DNAJC1: variants seen among roughly 807,000 people sequenced by gnomAD.
The protein encoded by DNAJC1 is dnaJ homolog subfamily C member 1.
A neutral mutation model predicts 76.6 loss-of-function variants in DNAJC1; 58 were observed. The ratio of observed to expected loss-of-function variants is 0.76; its 90% CI spans 0.61 to 0.94. The LOEUF is 0.94. DNAJC1 is among the 40% of genes least tolerant of loss of function. The probability of loss-of-function intolerance (pLI) is 0.00; values close to 1 mark genes in which losing one functional copy is unlikely to be tolerated. For synonymous variants in DNAJC1, 258 were observed against 267.9 expected (o/e 0.96, Z 0.36); for missense variants, 689 against 677.3 (o/e 1.02, Z -0.19).
intron 8 of DNAJC1, among the ~76,000 whole-genome samples, chr10:21,876,602 TAAAG>T (rs1215694717): frequency 1.3e-5 from 2 of 152,124 alleles, no homozygotes; most frequent in African/African-American, 4.8e-5. Flanking sequence ...ATGGCAATCT[TAAAG>T]AAGGAAAACA....
intron 8 of DNAJC1, among the ~76,000 whole-genome samples, chr10:21,848,582 A>C (rs761098000): frequency 2.6e-5 from 4 of 152,228 alleles, no homozygotes; most frequent in Non-Finnish European, 4.4e-5. Context: ...AACATCTAGA[A>C]AGAAGATAAA....
At chr10:21,990,268 T>G (rs1484731253) in intron 1 of DNAJC1, among the ~76,000 whole-genome samples, 2 of 152,176 alleles carry the variant, frequency 1.3e-5, no homozygotes, top group East Asian at 3.9e-4. Context: ...CCTAATACAG[T>G]GCCAAGACAA....
At chr10:21,837,913 G>A (rs1289302163) in intron 8 of DNAJC1, among the ~76,000 whole-genome samples, 4 of 145,072 alleles carry the variant, frequency 2.8e-5, no homozygotes, top group Non-Finnish European at 6.1e-5. Flanking sequence ...GTCCGGGAGG[G>A]AGGTGGCGGG....
intron 8 of DNAJC1, among the ~76,000 whole-genome samples, chr10:21,844,186 T>C (rs1351144630): frequency 6.6e-6 from 1 of 152,186 alleles, no homozygotes; most frequent in African/African-American, 2.4e-5. Context: ...ATTATGTCTT[T>C]ATTAGCAGCA....
In DNAJC1 at chr10:21,813,078, TACATATATACACACAC is replaced by T. The variant is rs1834997784; in HGVS notation, c.979-6995_979-6980del. On this transcript the variant is annotated intron_variant, in intron 8 of 11. Coordinates refer to ENST00000376980, the MANE Select transcript of DNAJC1 (RefSeq NM_022365.4). The stretch of plus-strand genomic sequence containing the variant: ...ATATATATACATATATACATATATA[TACATATATACACACAC>T]ACATATATATATATATATATATACA... 1.8e-5 allele frequency among the ~76,000 whole-genome samples: 2 copies of T among 111,406 alleles called. 1 individual carries two copies. Among genetic ancestry groups the T allele is most frequent in the South Asian group, 6.8e-4 (2 of 2,960 alleles). 73.1% of individuals were successfully genotyped at this position (111,406 alleles called of 152,430 possible).
intron 8 of DNAJC1, among the ~76,000 whole-genome samples, chr10:21,844,590 T>G (rs1301101092): frequency 6.6e-6 from 1 of 152,198 alleles, no homozygotes; most frequent in African/African-American, 2.4e-5. Context: ...GCATTTTTGA[T>G]CCTATTAATC....
rs537084723 is a variant in DNAJC1 at position 21,892,060 on chromosome 10, T to C, written c.821-9621A>G. 3.3e-5 allele frequency among the ~76,000 whole-genome samples: 5 copies of C among 152,208 alleles called. No homozygotes were observed. In the South Asian group the frequency reaches 1.0e-3, roughly 32 times the overall value. On this transcript the variant is annotated intron_variant, in intron 7 of 11. Transcript: ENST00000376980. ...TTTAAGGGGAGGTAAGGTTTTTATA[T>C]GTCACTTGAAATAGCAAAAATCTGA...
intron 1 of DNAJC1, among the ~76,000 whole-genome samples, chr10:21,934,673 G>T (rs1343102584): frequency 1.3e-5 from 2 of 152,092 alleles, no homozygotes. Flanking sequence ...TGCTACACAG[G>T]TTTGTAGCCC....
At chr10:21,807,498 T>C (rs1169201144) in intron 8 of DNAJC1, among the ~76,000 whole-genome samples, 1 of 152,188 alleles carries the variant, frequency 6.6e-6, no homozygotes. Context: ...ATAATCAAAG[T>C]GCATTGCCCC....
intron 1 of DNAJC1, among the ~76,000 whole-genome samples, chr10:21,939,149 G>A (rs1236128557): frequency 6.6e-6 from 1 of 152,102 alleles, no homozygotes; most frequent in African/African-American, 2.4e-5. Flanking sequence ...TCAGCCTCCT[G>A]AAGTGCTGGG....
intron 1 of DNAJC1, among the ~76,000 whole-genome samples, chr10:21,989,479 G>A (rs1021403338): frequency 2.0e-5 from 3 of 152,122 alleles, no homozygotes; most frequent in Admixed American, 2.0e-4. Context: ...ACTACAAGTA[G>A]GCAGACGAAA....
intron 5 of DNAJC1, among the ~76,000 whole-genome samples, chr10:21,919,421 T>C (rs1185953705): frequency 6.6e-6 from 1 of 152,020 alleles, no homozygotes; most frequent in Non-Finnish European, 1.5e-5. Context: ...CCCTGCTGTG[T>C]GAACTATTTA....
intron 8 of DNAJC1, among the ~76,000 whole-genome samples, chr10:21,860,466 G>A (rs1835902758): frequency 6.6e-6 from 1 of 152,072 alleles, no homozygotes; most frequent in Admixed American, 6.5e-5. Flanking sequence ...GCTAAAGCAG[G>A]CAGATCGTGA....
intron 6 of DNAJC1, 104 bp from the exon 7 acceptor site, chr10:21,904,716 G>T: frequency 1.7e-6 from 1 of 587,458 alleles, no homozygotes. Flanking sequence ...TTTATAAGTA[G>T]GCTTTCTTTT....
At chr10:21,864,930 A>C (rs1454451640) in intron 8 of DNAJC1, among the ~76,000 whole-genome samples, 1 of 152,108 alleles carries the variant, frequency 6.6e-6, no homozygotes, top group Non-Finnish European at 1.5e-5. Flanking sequence ...ACATTTCATA[A>C]AACATGATAT....
rs574821207 is a variant in DNAJC1 at position 21,959,283 on chromosome 10, C to T, written c.223-30142G>A. ...GGGATTACAGGTGTCTGCCACCAGG[C>T]CCGGCTAATTTTTTTTGTATTTTTA... On this transcript the variant is annotated intron_variant, in intron 1 of 11. Transcript: ENST00000376980. Among the ~76,000 whole-genome samples, 47 of 151,896 alleles carry T rather than the reference C, an allele frequency of 3.1e-4. 3 individuals are homozygous for T. In the South Asian group the frequency reaches 9.6e-3, roughly 31 times the overall value.
At chr10:21,982,575 A>G (rs1453833978) in intron 1 of DNAJC1, among the ~76,000 whole-genome samples, 1 of 152,154 alleles carries the variant, frequency 6.6e-6, no homozygotes, top group African/African-American at 2.4e-5. Context: ...AAAAGTGGAC[A>G]AAGGACTTCA....
chr10:21,787,770 C>T (rs1283926099), intron 9 of DNAJC1, among the ~76,000 whole-genome samples: 1 of 152,208 alleles, frequency 6.6e-6, no homozygotes, highest in Non-Finnish European at 1.5e-5. Flanking sequence ...TAGACACCTA[C>T]AGGCCTCACC....
chr10:21,777,961 G>A (rs1348702662), intron 9 of DNAJC1, among the ~76,000 whole-genome samples: 2 of 152,232 alleles, frequency 1.3e-5, no homozygotes, highest in African/African-American at 2.4e-5. Context: ...TCCAAGGCGG[G>A]TGGATCACCT....
Sources: gnomAD v4.1 joint callset for allele counts (sites outside exome capture counted in the v4.1 genomes callset) on GRCh38, gnomAD v4.1.1 for gene constraint, MANE v1.5 for transcripts, NCBI Gene and HGNC (gene_info 2026-07-23, HGNC 2026-07-21) for gene names.